NUP210: variants seen among roughly 807,000 people sequenced by gnomAD.
The protein encoded by NUP210 is nucleoporin 210, also known as nuclear pore membrane glycoprotein 210.
In NUP210, 151 loss-of-function variants were observed where a neutral mutation model predicts 196.0. The observed-to-expected ratio is 0.77, with a 90% confidence interval of 0.67 to 0.88. The LOEUF (loss-of-function observed/expected upper bound fraction) is 0.88, where lower values mean the gene tolerates loss of function less well. Ranked by LOEUF, NUP210 falls within the 40% of genes least tolerant of loss-of-function variation. NUP210 has a pLI of 0.00. For missense variants in NUP210, 2,314 were observed against 2,493.7 expected (o/e 0.93, Z 1.53); for synonymous variants, 1,070 against 1,052.7 (o/e 1.02, Z -0.32).
At chr3:13,364,451 A>T (rs554744309) in intron 14 of NUP210, among the ~76,000 whole-genome samples, 1 of 152,162 alleles carries the variant, frequency 6.6e-6, no homozygotes, top group Non-Finnish European at 1.5e-5. Context: ...ATTTCCTCAC[A>T]CGTTCATTCT....
chr3:13,345,343 T>C (rs2124867589), intron 20 of NUP210, among the ~76,000 whole-genome samples: 1 of 152,350 alleles, frequency 6.6e-6, no homozygotes, highest in African/African-American at 2.4e-5. Flanking sequence ...GACAGGGATA[T>C]GGCTTTGAAA....
intron 20 of NUP210, 72 bp downstream of exon 20, chr3:13,351,807 C>A: frequency 1.0e-6 from 1 of 991,646 alleles, no homozygotes; most frequent in South Asian, 1.4e-5. Context: ...TCAAAATGAT[C>A]AATCAATTAA....
chr3:13,336,342 G>A (rs951917370), intron 27 of NUP210, among the ~76,000 whole-genome samples: 5 of 152,292 alleles, frequency 3.3e-5, no homozygotes, highest in East Asian at 3.9e-4. Flanking sequence ...GTCCCTTCCC[G>A]TTTCTGGCCT....
chr3:13,387,735 C>T (rs1166927003), intron 5 of NUP210, among the ~76,000 whole-genome samples: 7 of 152,178 alleles, frequency 4.6e-5, no homozygotes, highest in Non-Finnish European at 7.3e-5. Flanking sequence ...GGAACCAGGA[C>T]GTTGGATAGA....
intron 15 of NUP210, among the ~76,000 whole-genome samples, chr3:13,359,404 C>T (rs1021902732): frequency 7.2e-5 from 11 of 152,290 alleles, no homozygotes; most frequent in African/African-American, 2.4e-4. Flanking sequence ...TCTAAAACCA[C>T]CCCACTGGTG....
chr3:13,343,252 G>C lies in NUP210; in HGVS notation c.2887C>G (p.Leu963Val). 6.2e-7 allele frequency: 1 copy of C among 1,610,308 alleles called. No homozygotes were observed. The highest frequency in any genetic ancestry group is 8.5e-7 in the Non-Finnish European group (1 of 1,178,084). ...SSTIMIHDLC[L>V]VFPAPAKAVV... ...GCCTTGGCTGGGGCCGGGAAGACGA[G>C]GCACAAGTCATGGATCATGATGGTG... Residue 963 changes from leucine to valine, a missense_variant, in exon 21 of 40, where the codon CTC becomes GTC. Leu to Val is a conservative substitution (Grantham distance 32, BLOSUM62 1). Transcript: ENST00000254508.
At chr3:13,408,739 G>GGTC (rs1276676612) in intron 1 of NUP210, among the ~76,000 whole-genome samples, 1 of 150,464 alleles carries the variant, frequency 6.6e-6, no homozygotes, top group African/African-American at 2.5e-5. Flanking sequence ...TGTGAGCTGA[G>GGTC]GTCGCACCAC....
At chr3:13,408,041 G>A (rs1030287076) in intron 1 of NUP210, among the ~76,000 whole-genome samples, 1 of 152,178 alleles carries the variant, frequency 6.6e-6, no homozygotes, top group African/African-American at 2.4e-5. Context: ...AGGCATCACT[G>A]AGGGGGCACT....
chr3:13,334,057 A>G (rs1172402759), intron 28 of NUP210, among the ~76,000 whole-genome samples: 3 of 152,104 alleles, frequency 2.0e-5, no homozygotes, highest in African/African-American at 7.2e-5. Context: ...TATCTTTAGG[A>G]CATGCTGCAT....
intron 5 of NUP210, among the ~76,000 whole-genome samples, chr3:13,387,962 C>T (rs1037315071): frequency 3.9e-5 from 6 of 152,112 alleles, no homozygotes; most frequent in African/African-American, 1.4e-4. Context: ...GCCCCAAGTG[C>T]TTGGGAGTGT....
chr3:13,372,263 G>A (rs1698757525), intron 12 of NUP210, among the ~76,000 whole-genome samples: 1 of 152,242 alleles, frequency 6.6e-6, no homozygotes, highest in Admixed American at 6.5e-5. Context: ...CAAAGCCTGG[G>A]GGAAGAACAC....
chr3:13,390,510 C>T (rs911877453), intron 4 of NUP210, among the ~76,000 whole-genome samples: 8 of 152,256 alleles, frequency 5.3e-5, no homozygotes, highest in African/African-American at 1.4e-4. Flanking sequence ...GAGCCATTGA[C>T]AGGAGGCTTA....
chr3:13,379,018 A>C lies in NUP210; in HGVS notation c.977-38T>G, dbSNP rs368609082. ...TTAAGGGGCAAGACATATGACAGCA[A>C]ATAAACCAGCTGGCTGGCCAGTTTC... is the stretch of plus-strand genomic sequence containing the variant. On this transcript the variant is annotated intron_variant, in intron 7 of 39. Transcript: ENST00000254508. This position sits in a 1 kb window ranked among gnomAD's most constrained non-coding sequence, Gnocchi z 4.2. 6.4e-7 allele frequency: 1 copy of C among 1,562,736 alleles called. No homozygotes were observed. The highest frequency in any genetic ancestry group is 8.8e-7 in the Non-Finnish European group (1 of 1,133,220).
intron 14 of NUP210, among the ~76,000 whole-genome samples, chr3:13,365,204 G>A (rs758759330): frequency 3.9e-5 from 6 of 152,174 alleles, no homozygotes; most frequent in East Asian, 1.9e-4. Flanking sequence ...TTTTTTATCC[G>A]TGTATAATAA....
intron 35 of NUP210, 124 bp downstream of exon 35, chr3:13,322,069 G>A (rs1696553849): frequency 7.8e-7 from 1 of 1,285,206 alleles, no homozygotes; most frequent in Non-Finnish European, 1.1e-6. Flanking sequence ...CCCAGGCTGG[G>A]CTCCTGACAA....
At chr3:13,332,496 G>A (rs986529955) in intron 28 of NUP210, 112 bp from the exon 29 acceptor site, 9 of 818,558 alleles carry the variant, frequency 1.1e-5, no homozygotes, top group African/African-American at 3.3e-5. Context: ...GAGGAGAAAA[G>A]CGGCTTTCTC....
At position 13,347,801 on chromosome 3, in the gene NUP210, G is replaced by C. The variant is rs961179895; in HGVS notation, c.2835+4078C>G. Among the ~76,000 whole-genome samples, 2 of 152,210 alleles carry C rather than the reference G, an allele frequency of 1.3e-5. No individual in the cohort carries two copies. The highest frequency in any genetic ancestry group is 2.9e-5 in the Non-Finnish European group (2 of 68,050). On this transcript the variant is annotated intron_variant, in intron 20 of 39. Transcript: ENST00000254508. This position sits in a 1 kb window ranked among gnomAD's most constrained non-coding sequence, Gnocchi z 4.7. Reference sequence around the variant, plus strand: ...CCTGCAACTGTTTCTGAAGCAACCAGGACTTGCTGCTGACGTCAATACTCC... The same window carrying C: ...CCTGCAACTGTTTCTGAAGCAACCACGACTTGCTGCTGACGTCAATACTCC...
chr3:13,413,629 G>C (rs1700250526), intron 1 of NUP210, among the ~76,000 whole-genome samples: 1 of 152,174 alleles, frequency 6.6e-6, no homozygotes, highest in Non-Finnish European at 1.5e-5. Context: ...CTGTTCTCTT[G>C]GGAGACAGGC....
At chr3:13,322,663 G>A (rs1479368694) in intron 34 of NUP210, among the ~76,000 whole-genome samples, 5 of 152,222 alleles carry the variant, frequency 3.3e-5, no homozygotes, top group Non-Finnish European at 7.3e-5. Flanking sequence ...CAGGGGAAAC[G>A]GCAATTTACT....
Sources: allele counts gnomAD v4.1 joint callset (sites outside exome capture counted in the v4.1 genomes callset), GRCh38; gene constraint gnomAD v4.1.1; non-coding constraint Gnocchi (gnomAD v3.1); transcripts MANE v1.5; gene names NCBI Gene and HGNC (gene_info 2026-07-23, HGNC 2026-07-21).